Variants in DPP6 observed in about 807,000 individuals in gnomAD.
DPP6 encodes A-type potassium channel modulatory protein DPP6.
Under a neutral mutation model 122.6 loss-of-function variants are expected in DPP6, and 69 were observed. That is an observed-to-expected ratio of 0.56 (90% CI 0.46 to 0.69). The LOEUF is 0.69. Ranked by LOEUF, DPP6 falls within the 30% of genes least tolerant of loss-of-function variation. DPP6 has a pLI of 0.00. For missense variants in DPP6, 928 were observed against 1,116.9 expected, an observed-to-expected ratio of 0.83 and a Z score of 2.41; for synonymous variants, 418 against 433.1, an observed-to-expected ratio of 0.97 and a Z score of 0.43.
In DPP6 at chr7:154,718,551, A is replaced by AC. The variant is rs200171200; in HGVS notation, c.763-9208dup. Among the ~76,000 whole-genome samples, 610 of 129,420 alleles carry AC rather than the reference A, an allele frequency of 4.7e-3. 2 individuals carry two copies. The highest frequency in any genetic ancestry group is 0.023 in the South Asian group (88 of 3,896). 84.9% of individuals were successfully genotyped at this position (129,420 alleles called of 152,430 possible). ...GTTTTTGTCTCTATTCTACTCCCAC[A>AC]CCCCCCCCAACTTTAGTCACTGTGG... On this transcript the variant is annotated intron_variant, in intron 7 of 25. Coordinates refer to ENST00000377770, the MANE Select transcript of DPP6 (RefSeq NM_130797.4).
chr7:154,247,743 C>T (rs1802076041), intron 1 of DPP6, among the ~76,000 whole-genome samples: 1 of 152,148 alleles, frequency 6.6e-6, no homozygotes. Context: ...CAGTCTACTG[C>T]ACTCTTAGGT....
chr7:153,866,244 G>A, the DPP6 span, among the ~76,000 whole-genome samples: 2 of 152,112 alleles, frequency 1.3e-5, no homozygotes, highest in African/African-American at 4.8e-5. Flanking sequence ...TTCCACAATG[G>A]TTGAACTAGT....
intron 8 of DPP6, among the ~76,000 whole-genome samples, chr7:154,731,266 T>A (rs1842328155): frequency 6.6e-6 from 1 of 152,230 alleles, no homozygotes; most frequent in African/African-American, 2.4e-5. Flanking sequence ...CTTGGAGATG[T>A]TAGTTCTAAG....
In DPP6 at chr7:153,936,271, T is replaced by C. The variant is rs544212665; in HGVS notation, c.51+48537T>C. 5.3e-5 allele frequency among the ~76,000 whole-genome samples: 8 copies of C among 152,062 alleles called. No homozygotes were observed. In the South Asian group the frequency reaches 1.7e-3, roughly 32 times the overall value. Reference sequence around the variant, plus strand: ...TGATGCAGAAAAAAACACCTCTCAGTATATGAAATGTTCTCCAGGAGGTCA... The same window carrying C: ...TGATGCAGAAAAAAACACCTCTCAGCATATGAAATGTTCTCCAGGAGGTCA... On this transcript the variant is annotated intron_variant, in intron 1 of 25. Transcript: ENST00000404039.
intron 1 of DPP6, among the ~76,000 whole-genome samples, chr7:153,914,238 C>T (rs1346339121): frequency 6.6e-6 from 1 of 152,144 alleles, no homozygotes; most frequent in Non-Finnish European, 1.5e-5. Flanking sequence ...GAAGACGTGC[C>T]TTTTGCCTTC....
At chr7:154,520,019 A>G (rs1237560261) in intron 3 of DPP6, among the ~76,000 whole-genome samples, 2 of 152,176 alleles carry the variant, frequency 1.3e-5, no homozygotes, top group Non-Finnish European at 2.9e-5. Flanking sequence ...CTGAAAATGA[A>G]AGACTGCAAG....
chr7:154,155,077 G>A (rs978146887), intron 1 of DPP6, among the ~76,000 whole-genome samples: 4 of 152,160 alleles, frequency 2.6e-5, no homozygotes, highest in South Asian at 2.1e-4. Flanking sequence ...GCAGGGCTTC[G>A]TCCAAGTTCC....
At chr7:154,085,415 T>C (rs1482220216) in intron 1 of DPP6, among the ~76,000 whole-genome samples, 1 of 152,230 alleles carries the variant, frequency 6.6e-6, no homozygotes, top group African/African-American at 2.4e-5. Context: ...TAGTGATGAG[T>C]CATTAATGCA....
the DPP6 span, among the ~76,000 whole-genome samples, chr7:153,799,104 T>A: frequency 6.6e-6 from 1 of 151,908 alleles, no homozygotes; most frequent in Non-Finnish European, 1.5e-5. Flanking sequence ...GTACTGGGGG[T>A]CAAGGACCCC....
Position 154,040,154 on chromosome 7 carries a change from A to C in DPP6, c.51+152420A>C, listed in dbSNP as rs545872395. The stretch of plus-strand genomic sequence containing the variant: ...TTGGCTGAATTCATCCGAGGGTTAT[A>C]CAAATCAAAAACTGTAAGTGGAGAG... On this transcript the variant is annotated intron_variant, in intron 1 of 25. Coordinates refer to the DPP6 transcript ENST00000404039. Among the ~76,000 whole-genome samples, 23 of 139,508 alleles carry C rather than the reference A, an allele frequency of 1.6e-4. 1 individual carries two copies. The highest frequency in any genetic ancestry group is 3.4e-3 in the Middle Eastern group (1 of 294). The allele number at this position is 139,508 out of a possible 152,430, so 91.5% of individuals were successfully genotyped here. A position where few individuals can be genotyped will look rare whatever the true frequency, so the allele number is the denominator to read the frequency against.
At chr7:153,802,690 A>T in the DPP6 span, among the ~76,000 whole-genome samples, 1 of 152,220 alleles carries the variant, frequency 6.6e-6, no homozygotes, top group Non-Finnish European at 1.5e-5. Flanking sequence ...TAAGGAAATA[A>T]AATTATAATT....
At chr7:154,700,734 C>T (rs1181105274) in intron 7 of DPP6, among the ~76,000 whole-genome samples, 4 of 151,854 alleles carry the variant, frequency 2.6e-5, no homozygotes, top group Admixed American at 6.6e-5. Flanking sequence ...CCCCATCACA[C>T]ACACAGACCT....
chr7:154,345,032 G>A (rs546845814), intron 1 of DPP6, among the ~76,000 whole-genome samples: 3 of 152,280 alleles, frequency 2.0e-5, no homozygotes, highest in South Asian at 4.1e-4. Flanking sequence ...CGCTGGTACC[G>A]TTAGTTGGTT....
the DPP6 span, among the ~76,000 whole-genome samples, chr7:153,849,727 A>G: frequency 5.9e-5 from 9 of 152,136 alleles, no homozygotes; most frequent in Non-Finnish European, 8.8e-5. Flanking sequence ...TACATCACCA[A>G]CATGCAGTAT....
At chr7:153,798,227 C>T in the DPP6 span, among the ~76,000 whole-genome samples, 14 of 152,244 alleles carry the variant, frequency 9.2e-5, no homozygotes, top group East Asian at 1.5e-3. Context: ...TTCCCAAAGG[C>T]CCCACTTCCC....
chr7:154,288,766 T>C (rs1805014784), intron 1 of DPP6, among the ~76,000 whole-genome samples: 1 of 152,194 alleles, frequency 6.6e-6, no homozygotes, highest in Admixed American at 6.5e-5. Flanking sequence ...TTTAAGCACT[T>C]CTGATATGCT....
At chr7:153,908,039 T>TTTC (rs2129001751) in intron 1 of DPP6, among the ~76,000 whole-genome samples, 1 of 151,354 alleles carries the variant, frequency 6.6e-6, no homozygotes, top group East Asian at 1.9e-4. Flanking sequence ...GTTTTTTTTT[T>TTTC]TTTTTTTTTT....
intron 8 of DPP6, among the ~76,000 whole-genome samples, chr7:154,753,131 G>C (rs1458404956): frequency 6.6e-6 from 1 of 152,154 alleles, no homozygotes; most frequent in Non-Finnish European, 1.5e-5. Flanking sequence ...CTTGCCTCCT[G>C]CGGTCCTGCC....
intron 2 of DPP6, among the ~76,000 whole-genome samples, chr7:154,452,677 A>G (rs1358348711): frequency 2.6e-5 from 4 of 152,172 alleles, no homozygotes; most frequent in African/African-American, 9.7e-5. Flanking sequence ...GGTTCCTGGT[A>G]CCCAGGGGCC....
Sources: gnomAD v4.1 joint callset for allele counts (sites outside exome capture counted in the v4.1 genomes callset) on GRCh38, gnomAD v4.1.1 for gene constraint, MANE v1.5 for transcripts, NCBI Gene and HGNC (gene_info 2026-07-23, HGNC 2026-07-21) for gene names.